Variants in SLC25A13 observed in about 807,000 individuals in gnomAD.
SLC25A13 encodes solute carrier family 25 member 13.
Under a neutral mutation model 85.5 loss-of-function variants are expected in SLC25A13, and 70 were observed. The ratio of observed to expected loss-of-function variants is 0.82; its 90% CI spans 0.68 to 1.00. The LOEUF is 1.00. SLC25A13 is among the 50% of genes least tolerant of loss of function. The probability of loss-of-function intolerance (pLI) is 0.00; values close to 1 mark genes in which losing one functional copy is unlikely to be tolerated. For missense variants in SLC25A13, 765 were observed against 819.8 expected (o/e 0.93, Z 0.82); for synonymous variants, 259 against 288.7 (o/e 0.90, Z 1.04).
intron 1 of SLC25A13, among the ~76,000 whole-genome samples, chr7:96,304,142 C>T (rs567964422): frequency 1.2e-4 from 18 of 152,246 alleles, no homozygotes; most frequent in Admixed American, 6.5e-4. Context: ...AGTTTCCCTA[C>T]GACCTAATAA....
At chr7:96,236,752 T>C (rs1398309736) in intron 3 of SLC25A13, among the ~76,000 whole-genome samples, 1 of 152,236 alleles carries the variant, frequency 6.6e-6, no homozygotes, top group African/African-American at 2.4e-5. Flanking sequence ...GGTGAAACCA[T>C]GCCCCACAGG....
chr7:96,304,167 T>C (rs1035283944), intron 1 of SLC25A13, among the ~76,000 whole-genome samples: 130 of 152,306 alleles, frequency 8.5e-4, no homozygotes, highest in African/African-American at 2.8e-3. Context: ...AGAGCAGTCA[T>C]TATGGGAAAA....
chr7:96,140,929 C>G (rs1792529516), intron 14 of SLC25A13, among the ~76,000 whole-genome samples: 1 of 151,782 alleles, frequency 6.6e-6, no homozygotes, highest in South Asian at 2.1e-4. Flanking sequence ...TATTCTAGTC[C>G]TTTGCTCATT....
At chr7:96,271,656 C>G (rs1370081623) in intron 3 of SLC25A13, among the ~76,000 whole-genome samples, 2 of 152,024 alleles carry the variant, frequency 1.3e-5, no homozygotes, top group Non-Finnish European at 2.9e-5. Context: ...AAAACAAAGT[C>G]GGCCTTTCAA....
At chr7:96,212,128 G>A (rs75421365) in intron 4 of SLC25A13, among the ~76,000 whole-genome samples, 4,260 of 152,138 alleles carry the variant, frequency 0.028, 81 homozygotes, top group Non-Finnish European at 0.039. Context: ...CTCCCATGCT[G>A]CACAACTCTA....
chr7:96,311,497 A>G (rs1799948533), intron 1 of SLC25A13, among the ~76,000 whole-genome samples: 1 of 152,196 alleles, frequency 6.6e-6, no homozygotes, highest in South Asian at 2.1e-4. Flanking sequence ...AGGAAAGACG[A>G]CCCAATTCCC....
chr7:96,307,251 A>G (rs1799780858), intron 1 of SLC25A13, among the ~76,000 whole-genome samples: 1 of 152,238 alleles, frequency 6.6e-6, no homozygotes, highest in Non-Finnish European at 1.5e-5. Flanking sequence ...GGAAATGTGT[A>G]CAATGTGTAC....
intron 14 of SLC25A13, among the ~76,000 whole-genome samples, chr7:96,138,666 C>A (rs1002416629): frequency 2.1e-4 from 32 of 152,108 alleles, no homozygotes; most frequent in Admixed American, 3.3e-4. Context: ...ATATGTTTCT[C>A]TTCTCTTGCC....
chr7:96,234,642 G>A lies in SLC25A13; in HGVS notation c.328+160C>T, dbSNP rs116367456. Among the ~76,000 whole-genome samples the A allele has an allele frequency of 5.0e-3, 759 of 151,834 alleles. 6 individuals carry two copies. Among genetic ancestry groups the A allele is most frequent in the African/African-American group, 0.018 (734 of 41,412 alleles). On this transcript the variant is annotated intron_variant, in intron 4 of 17. Transcript: ENST00000265631. ...GTTTTTTTCGAATAGGAAGATGTTTGAACTGGAGCTCCAAAACATTGAAGT... is the reference window on the plus strand; with the variant it reads ...GTTTTTTTCGAATAGGAAGATGTTTAAACTGGAGCTCCAAAACATTGAAGT...
intron 13 of SLC25A13, among the ~76,000 whole-genome samples, chr7:96,160,035 G>T (rs1049510300): frequency 6.6e-6 from 1 of 152,196 alleles, no homozygotes; most frequent in Non-Finnish European, 1.5e-5. Flanking sequence ...AACATTTGGG[G>T]TCTGCCTGTT....
intron 6 of SLC25A13, 109 bp from the exon 7 acceptor site, chr7:96,191,356 CAAG>C: frequency 1.7e-6 from 2 of 1,169,592 alleles, no homozygotes; most frequent in South Asian, 1.4e-5. Flanking sequence ...AATGCATGTA[CAAG>C]AAGAAATGAC....
At chr7:96,139,250 T>G (rs756651731) in intron 14 of SLC25A13, among the ~76,000 whole-genome samples, 9 of 152,198 alleles carry the variant, frequency 5.9e-5, no homozygotes, top group African/African-American at 2.2e-4. Flanking sequence ...TTTTTCAAAC[T>G]AAGTATTGGG....
At chr7:96,235,710 G>T (rs1796719178) in intron 3 of SLC25A13, among the ~76,000 whole-genome samples, 1 of 152,234 alleles carries the variant, frequency 6.6e-6, no homozygotes, top group East Asian at 1.9e-4. Flanking sequence ...GTGCATAAAA[G>T]AACAATGTAA....
At chr7:96,242,443 G>C (rs146073175) in intron 3 of SLC25A13, among the ~76,000 whole-genome samples, 2 of 152,232 alleles carry the variant, frequency 1.3e-5, no homozygotes, top group East Asian at 3.9e-4. Context: ...AAAATTCTAA[G>C]ACCCCTTGAT....
chr7:96,312,525 G>C (rs1024658602), intron 1 of SLC25A13, among the ~76,000 whole-genome samples: 1 of 152,108 alleles, frequency 6.6e-6, no homozygotes, highest in Admixed American at 6.6e-5. Flanking sequence ...TGAAGCTTGG[G>C]TCTTTATATT....
chr7:96,280,109 A>AATTG (rs1227124745), intron 2 of SLC25A13, among the ~76,000 whole-genome samples: 1 of 152,168 alleles, frequency 6.6e-6, no homozygotes, highest in Non-Finnish European at 1.5e-5. Flanking sequence ...TTTCAGGACC[A>AATTG]TCCTTTTCAA....
At chr7:96,196,570 G>A (rs1456926843) in intron 5 of SLC25A13, among the ~76,000 whole-genome samples, 3 of 152,174 alleles carry the variant, frequency 2.0e-5, no homozygotes, top group South Asian at 2.1e-4. Flanking sequence ...CTGTGCCCAC[G>A]CTTCCATGAT....
At chr7:96,239,710 C>T (rs1175311023) in intron 3 of SLC25A13, among the ~76,000 whole-genome samples, 1 of 152,096 alleles carries the variant, frequency 6.6e-6, no homozygotes, top group Non-Finnish European at 1.5e-5. Context: ...AGGCCTATAC[C>T]ACTCAGAGAT....
In SLC25A13 at chr7:96,296,918, G is replaced by T. The variant is rs771894421; in HGVS notation, c.49C>A (p.Leu17Ile). The change falls in exon 2 of 18, where the codon CTT becomes ATT. Residue 17 changes from leucine (L) to isoleucine (I), a missense_variant. By Grantham distance (5) the Leu-to-Ile change is conservative (BLOSUM62 2). Transcript: ENST00000265631. ...ALTKRADPAE[L>I]RTIFLKYASI... ...CTGACCTTCAAAAATATTGTTCTAAGCTCAGCTGGATCTGCTCTCTTGGTT... is the reference window on the plus strand; with the variant it reads ...CTGACCTTCAAAAATATTGTTCTAATCTCAGCTGGATCTGCTCTCTTGGTT... The T allele has an allele frequency of 6.2e-7, 1 of 1,613,554 alleles. No individual in the cohort carries two copies. The highest frequency in any genetic ancestry group is 1.1e-5 in the South Asian group (1 of 91,078).
Sources: allele counts gnomAD v4.1 joint callset (sites outside exome capture counted in the v4.1 genomes callset), GRCh38; gene constraint gnomAD v4.1.1; transcripts MANE v1.5; gene names NCBI Gene and HGNC (gene_info 2026-07-23, HGNC 2026-07-21).